The following CCDC149 variants were observed in gnomAD, a reference collection of about 807,000 sequenced individuals.
CCDC149 encodes the protein coiled-coil domain containing 149.
A neutral mutation model predicts 59.9 loss-of-function variants in CCDC149; 45 were observed. The observed-to-expected ratio is 0.75, with a 90% CI of 0.59 to 0.96. The LOEUF (loss-of-function observed/expected upper bound fraction) is 0.96, where lower values mean the gene tolerates loss of function less well. CCDC149 is among the 40% of genes least tolerant of loss of function. The pLI, the probability that CCDC149 is intolerant of heterozygous loss-of-function variation, is 0.00. For missense variants in CCDC149, 584 were observed against 664.7 expected (o/e 0.88, Z 1.33); for synonymous variants, 245 against 260.6 (o/e 0.94, Z 0.58).
chr4:24,926,908 C>T (rs919434106), intron 1 of CCDC149, among the ~76,000 whole-genome samples: 4 of 152,162 alleles, frequency 2.6e-5, no homozygotes, highest in Admixed American at 6.5e-5. Flanking sequence ...TTAGCTTCCT[C>T]GCAGCATGGC....
At chr4:24,856,688 G>T (rs1476802369) in intron 3 of CCDC149, among the ~76,000 whole-genome samples, 1 of 152,208 alleles carries the variant, frequency 6.6e-6, no homozygotes, top group Admixed American at 6.5e-5. Flanking sequence ...GTCGAGAGAT[G>T]ACTCAATTCT....
chr4:24,873,391 G>C (rs375962569), intron 3 of CCDC149, among the ~76,000 whole-genome samples: 1 of 152,240 alleles, frequency 6.6e-6, no homozygotes, highest in Non-Finnish European at 1.5e-5. Context: ...CCACTGAACA[G>C]TAGGTAGCTC....
At chr4:24,945,408 T>C (rs1723078509) in intron 1 of CCDC149, among the ~76,000 whole-genome samples, 1 of 151,916 alleles carries the variant, frequency 6.6e-6, no homozygotes. Flanking sequence ...GAGGCAGAGA[T>C]TGGAGCGATG....
At chr4:24,860,806 C>T (rs1036826619) in intron 3 of CCDC149, among the ~76,000 whole-genome samples, 2 of 152,032 alleles carry the variant, frequency 1.3e-5, no homozygotes, top group Non-Finnish European at 2.9e-5. Flanking sequence ...AGACAATTCT[C>T]AAAAGAAGAT....
At chr4:24,814,369 T>C (rs1304664758) in intron 12 of CCDC149, among the ~76,000 whole-genome samples, 2 of 152,296 alleles carry the variant, frequency 1.3e-5, no homozygotes, top group Admixed American at 1.3e-4. Context: ...AAGCCTTGAT[T>C]TTGAAAAAAA....
At chr4:24,872,810 C>G (rs1055585341) in intron 3 of CCDC149, among the ~76,000 whole-genome samples, 5 of 150,720 alleles carry the variant, frequency 3.3e-5, no homozygotes, top group Non-Finnish European at 3.0e-5. Flanking sequence ...ACAGTATGCA[C>G]TCACCAAATG....
chr4:24,837,272 G>A lies in CCDC149; in HGVS notation c.618C>T (p.His206=), dbSNP rs149187284. 121 of 1,614,072 alleles carry A rather than the reference G, an allele frequency of 7.5e-5. No homozygotes were observed. The highest frequency in any genetic ancestry group is 1.6e-4 in the Middle Eastern group (1 of 6,082). The change falls in exon 6 of 13, where the codon CAC becomes CAT. Residue 206 remains histidine (H), a synonymous_variant. Transcript: ENST00000635206. This position sits in a 1 kb window ranked among gnomAD's most constrained non-coding sequence, Gnocchi z 4.3. ...CGTCCACGTCAATGATGCGGTTCTCGTGCCCACTCAGGATATGGTTCAGCT... is the reference window on the plus strand; with the variant it reads ...CGTCCACGTCAATGATGCGGTTCTCATGCCCACTCAGGATATGGTTCAGCT...
At chr4:24,913,863 T>C (rs1722037547), upstream of CCDC149, among the ~76,000 whole-genome samples, 1 of 152,230 alleles carries the variant, frequency 6.6e-6, no homozygotes, top group Admixed American at 6.5e-5. Flanking sequence ...TGAAAGAGAA[T>C]GACAGAGGGA....
chr4:24,892,635 T>A (rs1720594388), intron 1 of CCDC149, among the ~76,000 whole-genome samples: 1 of 152,188 alleles, frequency 6.6e-6, no homozygotes. Context: ...GCTCATTTGA[T>A]CCTCACAAGG....
chr4:24,917,255 C>T (rs756502502), upstream of CCDC149, among the ~76,000 whole-genome samples: 50 of 152,222 alleles, frequency 3.3e-4, no homozygotes, highest in Non-Finnish European at 5.9e-4. Flanking sequence ...CAGCGGCAAA[C>T]AGTCAGCACG....
chr4:24,966,686 G>T (rs1723813699), intron 1 of CCDC149, among the ~76,000 whole-genome samples: 2 of 152,224 alleles, frequency 1.3e-5, no homozygotes, highest in African/African-American at 2.4e-5. Flanking sequence ...AATTTGTGGA[G>T]ACAGTTGTCT....
At chr4:24,817,705 A>G (rs1291607896) in intron 12 of CCDC149, among the ~76,000 whole-genome samples, 1 of 150,702 alleles carries the variant, frequency 6.6e-6, no homozygotes, top group Non-Finnish European at 1.5e-5. Context: ...TATGCAAGAG[A>G]GAGCTTGCAG....
chr4:24,848,610 C>A (rs1717463501), intron 4 of CCDC149, among the ~76,000 whole-genome samples: 1 of 151,476 alleles, frequency 6.6e-6, no homozygotes, highest in Admixed American at 6.6e-5. Flanking sequence ...TAAATAATGA[C>A]CCCAAACACA....
chr4:24,838,354 T>C (rs1716687033), intron 4 of CCDC149, 82 bp from the exon 5 acceptor site: 1 of 971,842 alleles, frequency 1.0e-6, no homozygotes, highest in Non-Finnish European at 1.7e-6. Context: ...CTAAGAAACT[T>C]TTGGAAGATA....
intron 3 of CCDC149, among the ~76,000 whole-genome samples, chr4:24,862,764 G>A (rs1459889143): frequency 3.3e-5 from 5 of 151,986 alleles, no homozygotes; most frequent in East Asian, 1.9e-4. Flanking sequence ...CCCACAATTC[G>A]TCATCACTCA....
chr4:24,946,301 C>G (rs757824990), intron 1 of CCDC149, among the ~76,000 whole-genome samples: 11 of 152,192 alleles, frequency 7.2e-5, no homozygotes, highest in Non-Finnish European at 1.5e-4. Flanking sequence ...TGTGAGTCCC[C>G]AGTATCCTTC....
At chr4:24,816,047 A>G (rs1379313005) in intron 12 of CCDC149, among the ~76,000 whole-genome samples, 1 of 152,032 alleles carries the variant, frequency 6.6e-6, no homozygotes, top group African/African-American at 2.4e-5. Flanking sequence ...GGATTTACCA[A>G]CCCACTCTCC....
intron 1 of CCDC149, among the ~76,000 whole-genome samples, chr4:24,891,128 C>T (rs1367315231): frequency 6.6e-6 from 1 of 152,150 alleles, no homozygotes; most frequent in Non-Finnish European, 1.5e-5. Context: ...ATTTTCTTTC[C>T]ATAAACTCCA....
chr4:24,808,952 G>A, intron 12 of CCDC149, 133 bp from the exon 13 acceptor site: 1 of 806,430 alleles, frequency 1.2e-6, no homozygotes, highest in Non-Finnish European at 1.9e-6. Context: ...TTGGCTCCCT[G>A]TGCAGGGCAA....
Sources: gnomAD v4.1 joint callset for allele counts (sites outside exome capture counted in the v4.1 genomes callset) on GRCh38, gnomAD v4.1.1 for gene constraint, Gnocchi (gnomAD v3.1) non-coding constraint, MANE v1.5 for transcripts, NCBI Gene and HGNC (gene_info 2026-07-23, HGNC 2026-07-21) for gene names.